COL18A1: variants seen among roughly 807,000 people sequenced by gnomAD.
COL18A1 encodes the protein collagen alpha-1(XVIII) chain.
A neutral mutation model predicts 168.0 loss-of-function variants in COL18A1; 133 were observed. The observed-to-expected ratio is 0.79, with a 90% CI of 0.69 to 0.91. COL18A1 has a LOEUF of 0.91. Among genes scored for constraint, COL18A1 ranks in the 40% least tolerant of loss-of-function variants. The pLI is 0.00. For synonymous variants in COL18A1, 949 were observed against 809.0 expected (o/e 1.17, Z -2.94); for missense variants, 2,126 against 1,925.4 (o/e 1.10, Z -1.95).
Position 45,476,479 on chromosome 21 carries a change from A to G in COL18A1, c.927A>G (p.Gly309=), listed in dbSNP as rs765570400. 8 of 1,602,918 alleles carry G rather than the reference A, an allele frequency of 5.0e-6. No individual in the cohort carries two copies. Among genetic ancestry groups the G allele is most frequent in the African/African-American group, 1.3e-5 (1 of 74,756 alleles). The part of the protein sequence containing the change: ...VEEQTTVASL[G]AQTLPGSDSV... ...AGCAGACCACGGTGGCTTCGTTAGG[A>G]GGTAAGCTCTTTTCTGGATGTGGTG... Residue 309 remains glycine (G), a splice_region_variant and synonymous_variant, in exon 6 of 42, where the codon GGA becomes GGG. Transcript: ENST00000651438.
intron 32 of COL18A1, among the ~76,000 whole-genome samples, chr21:45,501,640 C>A (rs1010984115): frequency 1.3e-5 from 2 of 152,034 alleles, no homozygotes; most frequent in Non-Finnish European, 1.5e-5. Flanking sequence ...CCCGGTCTCC[C>A]AGGTGGTGGG....
intron 2 of COL18A1, among the ~76,000 whole-genome samples, chr21:45,452,483 TTCTG>T (rs201639940): frequency 0.027 from 3,937 of 144,410 alleles, 182 homozygotes; most frequent in African/African-American, 0.089. Context: ...ACGTGTGTGT[TTCTG>T]TATGCATGTG....
chr21:45,415,132 C>T (rs772749491), intron 2 of COL18A1, among the ~76,000 whole-genome samples: 3 of 152,096 alleles, frequency 2.0e-5, no homozygotes, highest in African/African-American at 4.8e-5. Context: ...GGTGACAGTG[C>T]GGCGTGGTGT....
chr21:45,470,026 A>G (rs539103506), intron 3 of COL18A1, among the ~76,000 whole-genome samples: 2 of 152,380 alleles, frequency 1.3e-5, no homozygotes, highest in East Asian at 1.9e-4. Flanking sequence ...AAAGTGGCCC[A>G]CAAGTGCCGT....
intron 4 of COL18A1, among the ~76,000 whole-genome samples, chr21:45,474,308 CTG>C (rs1414171910): frequency 6.7e-6 from 1 of 148,440 alleles, no homozygotes; most frequent in Admixed American, 6.7e-5. Context: ...TGGTGTGTCT[CTG>C]TGGTGTGTCT....
chr21:45,495,715 T>TACACAC, intron 29 of COL18A1: 1 of 429,438 alleles, frequency 2.3e-6, no homozygotes, highest in Non-Finnish European at 4.4e-6. Context: ...CGCGCACACA[T>TACACAC]ACACGCACAC....
At chr21:45,414,187 C>T (rs958685376) in intron 2 of COL18A1, among the ~76,000 whole-genome samples, 1 of 152,184 alleles carries the variant, frequency 6.6e-6, no homozygotes, top group Admixed American at 6.5e-5. Flanking sequence ...TTGCTGCTGC[C>T]CTGCCTCTTG....
chr21:45,505,084 C>T, intron 34 of COL18A1, 50 bp from the exon 35 acceptor site: 1 of 1,590,284 alleles, frequency 6.3e-7, no homozygotes, highest in Non-Finnish European at 8.5e-7. Flanking sequence ...TGCCCGCCCC[C>T]AGTCCAGGGC....
intron 2 of COL18A1, among the ~76,000 whole-genome samples, chr21:45,439,610 G>T (rs1047614331): frequency 5.9e-5 from 9 of 152,260 alleles, no homozygotes; most frequent in African/African-American, 2.2e-4. Context: ...CGTCGCGCGG[G>T]CTCCAGACGT....
intron 18 of COL18A1, among the ~76,000 whole-genome samples, chr21:45,489,146 G>T (rs2036214292): frequency 6.6e-6 from 1 of 152,232 alleles, no homozygotes; most frequent in Non-Finnish European, 1.5e-5. Context: ...AAGACATCGG[G>T]ACACTCAAAA....
chr21:45,488,359 ACG>A, intron 17 of COL18A1, 57 bp from the exon 18 acceptor site: 1 of 1,612,278 alleles, frequency 6.2e-7, no homozygotes, highest in South Asian at 1.1e-5. Flanking sequence ...CTTGCGGCAG[ACG>A]CATCTCACAG....
rs958342816 is a variant in COL18A1 at position 45,423,114 on chromosome 21, G to A, written c.106+17641G>A. On this transcript the variant is annotated intron_variant, in intron 2 of 41. Transcript: ENST00000651438. The surrounding 1 kb of genome is among the most constrained non-coding windows in gnomAD (Gnocchi z 4.0). ...TAGGTGTGAGCCACCGCACCCGGCC[G>A]AAGTGGTTTTAATGTCCCCACTTTT... Among the ~76,000 whole-genome samples the A allele has an allele frequency of 2.6e-5, 4 of 152,204 alleles. No individual in the cohort carries two copies. Among genetic ancestry groups the A allele is most frequent in the African/African-American group, 7.2e-5 (3 of 41,524 alleles).
At chr21:45,428,070 T>A (rs749628962) in intron 2 of COL18A1, among the ~76,000 whole-genome samples, 3 of 152,162 alleles carry the variant, frequency 2.0e-5, no homozygotes, top group Non-Finnish European at 4.4e-5. Context: ...CGGCACCACC[T>A]CCTCCATGAA....
At chr21:45,456,915 CT>C in intron 2 of COL18A1, 1 of 1,393,396 alleles carries the variant, frequency 7.2e-7, no homozygotes, top group Non-Finnish European at 9.4e-7. Context: ...CCACCCTTTC[CT>C]TTTTGCCTTG....
chr21:45,491,248 C>T lies in COL18A1; in HGVS notation c.2091C>T (p.Val697=), dbSNP rs376084472. ...AGGGAGATCCAGGGAAGGACGGAGT[C>T]GGGCAGCCGGGCCTCCCTGGCCCCC... The part of the protein sequence containing the change: ...GEKGDPGKDG[V]GQPGLPGPPG... The change falls in exon 22 of 42, where the codon GTC becomes GTT. Residue 697 remains valine, a synonymous_variant. Coordinates refer to ENST00000651438, the MANE Select transcript of COL18A1 (RefSeq NM_001379500.1). The T allele has an allele frequency of 1.7e-5, 28 of 1,612,080 alleles. No homozygotes were observed. The highest frequency in any genetic ancestry group is 6.7e-5 in the African/African-American group (5 of 74,876).
intron 32 of COL18A1, among the ~76,000 whole-genome samples, chr21:45,501,147 G>A (rs1427948314): frequency 4.6e-5 from 7 of 151,828 alleles, no homozygotes; most frequent in African/African-American, 1.5e-4. Flanking sequence ...CCTGGAGTAA[G>A]AAACATGGTC....
chr21:45,414,152 G>A (rs368609996), intron 2 of COL18A1, among the ~76,000 whole-genome samples: 3 of 152,132 alleles, frequency 2.0e-5, no homozygotes, highest in Non-Finnish European at 4.4e-5. Flanking sequence ...GGCTCTGGCC[G>A]TCAATCAGCT....
rs377093259 is a variant in COL18A1 at position 45,509,493 on chromosome 21, C to G, written c.3387C>G (p.Pro1129=). The change falls in exon 39 of 42, where the codon CCC becomes CCG. Residue 1129 remains proline, a synonymous_variant. Coordinates refer to ENST00000651438, the MANE Select transcript of COL18A1 (RefSeq NM_001379500.1). ...TCCTGGCCAGCCCCCCTCGCCTGCCCGAGCCCCAGCCCTACCCCGGAGCCC... is the reference window on the plus strand; with the variant it reads ...TCCTGGCCAGCCCCCCTCGCCTGCCGGAGCCCCAGCCCTACCCCGGAGCCC... ...DDILASPPRL[P]EPQPYPGAPH... 2 of 1,529,078 alleles carry G rather than the reference C, an allele frequency of 1.3e-6. No individual in the cohort carries two copies. Among genetic ancestry groups the G allele is most frequent in the Admixed American group, 1.9e-5 (1 of 53,092 alleles). 94.7% of individuals were successfully genotyped at this position (1,529,078 alleles called of 1,614,324 possible).
At chr21:45,451,105 G>A (rs2034612086) in intron 2 of COL18A1, among the ~76,000 whole-genome samples, 1 of 152,232 alleles carries the variant, frequency 6.6e-6, no homozygotes, top group African/African-American at 2.4e-5. Context: ...GTTAGCCTCA[G>A]GCTCCTCAGG....
Sources: allele counts gnomAD v4.1 joint callset (sites outside exome capture counted in the v4.1 genomes callset), GRCh38; gene constraint gnomAD v4.1.1; non-coding constraint Gnocchi (gnomAD v3.1); transcripts MANE v1.5; gene names NCBI Gene and HGNC (gene_info 2026-07-23, HGNC 2026-07-21).